FIRRM: variants seen among roughly 807,000 people sequenced by gnomAD.
The protein encoded by FIRRM is FIGNL1 interacting regulator of recombination and mitosis.
chr1:169,809,095 A>G, the FIRRM span, among the ~76,000 whole-genome samples: 4 of 152,282 alleles, frequency 2.6e-5, no homozygotes, highest in Admixed American at 1.3e-4. Flanking sequence ...CTCCTAGGGC[A>G]GGGCTGATCT....
chr1:169,795,615 A>G, the FIRRM span: 1 of 1,000,228 alleles, frequency 1.0e-6, no homozygotes, highest in African/African-American at 1.7e-5. Flanking sequence ...TTTGAGGTAA[A>G]GCGAGATACT....
chr1:169,853,606 A>G, the FIRRM span: 1 of 1,197,864 alleles, frequency 8.3e-7, no homozygotes, highest in Non-Finnish European at 1.2e-6. Context: ...TGGGATGGGA[A>G]AAGCAGGCCA....
the FIRRM span, chr1:169,850,969 T>G: frequency 7.4e-6 from 1 of 135,916 alleles, no homozygotes; most frequent in African/African-American, 2.8e-5. Flanking sequence ...TTGGGTATAA[T>G]TTAGGCATGG....
the FIRRM span, chr1:169,807,811 C>A: frequency 1.2e-5 from 20 of 1,601,502 alleles, no homozygotes; most frequent in Non-Finnish European, 1.7e-5. Flanking sequence ...AAGCACCAGT[C>A]CATAATAAAA....
the FIRRM span, among the ~76,000 whole-genome samples, chr1:169,784,550 TTTGC>T: frequency 4.9e-3 from 754 of 152,348 alleles, 10 homozygotes; most frequent in African/African-American, 0.017. Flanking sequence ...TGTTTGTCTG[TTTGC>T]TTGCTTGCTT....
the FIRRM span, chr1:169,836,838 T>C: frequency 7.8e-6 from 7 of 901,800 alleles, no homozygotes; most frequent in African/African-American, 3.4e-5. Context: ...TCTCGAAATA[T>C]TAAATGTGGA....
the FIRRM span, among the ~76,000 whole-genome samples, chr1:169,840,154 C>A: frequency 6.6e-6 from 1 of 152,146 alleles, no homozygotes; most frequent in Admixed American, 6.5e-5. Flanking sequence ...AGTCAAGTCA[C>A]GTGATGCCTC....
chr1:169,830,133 T>A, the FIRRM span: 12 of 706,616 alleles, frequency 1.7e-5, no homozygotes, highest in African/African-American at 2.0e-4. Context: ...AAAGTAGAAC[T>A]CCCCCATTGA....
At chr1:169,790,649 A>G in the FIRRM span, among the ~76,000 whole-genome samples, 3 of 152,196 alleles carry the variant, frequency 2.0e-5, no homozygotes, top group Admixed American at 6.5e-5. Flanking sequence ...CTCCTGGATG[A>G]GACCTCATTA....
the FIRRM span, among the ~76,000 whole-genome samples, chr1:169,841,974 G>A: frequency 6.6e-5 from 10 of 151,978 alleles, no homozygotes; most frequent in Admixed American, 2.0e-4. Flanking sequence ...TCAAGAGATC[G>A]AGACCATCCT....
At chr1:169,832,319 G>C in the FIRRM span, 2 of 748,444 alleles carry the variant, frequency 2.7e-6, no homozygotes, top group Non-Finnish European at 4.7e-6. Flanking sequence ...TTTTCCCCTA[G>C]AAAGAGCTGC....
chr1:169,851,805 G>C, the FIRRM span: 2 of 1,610,600 alleles, frequency 1.2e-6, no homozygotes, highest in South Asian at 2.2e-5. Context: ...GGTTTTTCAT[G>C]GTCCCTGGCA....
the FIRRM span, chr1:169,851,858 T>C: frequency 6.2e-7 from 1 of 1,614,072 alleles, no homozygotes; most frequent in South Asian, 1.1e-5. Context: ...AAGTGGAACG[T>C]GTGAAACAGG....
chr1:169,811,890 T>C, the FIRRM span, among the ~76,000 whole-genome samples: 1 of 152,096 alleles, frequency 6.6e-6, no homozygotes, highest in Non-Finnish European at 1.5e-5. Context: ...GATAGATAGA[T>C]AGAGCTTGGA....
the FIRRM span, among the ~76,000 whole-genome samples, chr1:169,825,106 G>A: frequency 6.6e-6 from 1 of 152,088 alleles, no homozygotes; most frequent in Non-Finnish European, 1.5e-5. Context: ...ACACGTACAC[G>A]CACTTCTCAT....
the FIRRM span, among the ~76,000 whole-genome samples, chr1:169,791,117 G>A: frequency 7.9e-5 from 12 of 152,152 alleles, no homozygotes; most frequent in Admixed American, 4.6e-4. Context: ...TTTGCCTACC[G>A]CTCACCTCCT....
the FIRRM span, among the ~76,000 whole-genome samples, chr1:169,800,683 A>G: frequency 1.4e-5 from 2 of 146,930 alleles, no homozygotes; most frequent in African/African-American, 2.5e-5. Flanking sequence ...CTGGTCCACA[A>G]TTGTTGGATA....
At chr1:169,834,614 A>T in the FIRRM span, among the ~76,000 whole-genome samples, 2 of 152,176 alleles carry the variant, frequency 1.3e-5, no homozygotes. Context: ...TATTGTGTCC[A>T]TTTGACAGAT....
the FIRRM span, among the ~76,000 whole-genome samples, chr1:169,824,381 A>C: frequency 1.3e-5 from 2 of 152,146 alleles, no homozygotes; most frequent in Non-Finnish European, 2.9e-5. Context: ...CCTTTCCTCC[A>C]TACTGGGTCA....
Sources: gnomAD v4.1 joint callset for allele counts (sites outside exome capture counted in the v4.1 genomes callset) on GRCh38, gnomAD v4.1.1 for gene constraint, MANE v1.5 for transcripts, NCBI Gene and HGNC (gene_info 2026-07-23, HGNC 2026-07-21) for gene names.